The following PCDHGB5 variants were observed in gnomAD, a reference collection of about 807,000 sequenced individuals.
The protein encoded by PCDHGB5 is protocadherin gamma-B5.
A neutral mutation model predicts 62.9 loss-of-function variants in PCDHGB5; 48 were observed. The ratio of observed to expected loss-of-function variants is 0.76; its 90% CI spans 0.61 to 0.97. The LOEUF is 0.97. PCDHGB5 is among the 50% of genes least tolerant of loss of function. The pLI is 0.00. For synonymous variants in PCDHGB5, 474 were observed against 511.2 expected (o/e 0.93, Z 0.98); for missense variants, 1,118 against 1,198.6 (o/e 0.93, Z 0.99).
In PCDHGB5 at chr5:141,489,662, G is replaced by C; in HGVS notation, c.2398-5145G>C. 8.1e-6 allele frequency: 13 copies of C among 1,614,144 alleles called. No individual in the cohort carries two copies. The highest frequency in any genetic ancestry group is 1.1e-5 in the Non-Finnish European group (13 of 1,180,010). On this transcript the variant is annotated intron_variant, in intron 1 of 3. Coordinates refer to ENST00000617380, the MANE Select transcript of PCDHGB5 (RefSeq NM_018925.3). This position sits in a 1 kb window ranked among gnomAD's most constrained non-coding sequence, Gnocchi z 4.5. The stretch of plus-strand genomic sequence containing the variant: ...TTTGCCACCCCTGAGCGAGAGATGC[G>C]CATCTCAGAATCAGCAGCATCTGGG...
At chr5:141,463,460 T>TA (rs1554144871) in intron 1 of PCDHGB5, among the ~76,000 whole-genome samples, 2 of 136,122 alleles carry the variant, frequency 1.5e-5, no homozygotes, top group Non-Finnish European at 3.1e-5. Context: ...TTTTTTTTTT[T>TA]TTTTTTGAGA....
At chr5:141,466,709 T>C (rs2099127779) in intron 1 of PCDHGB5, among the ~76,000 whole-genome samples, 1 of 152,212 alleles carries the variant, frequency 6.6e-6, no homozygotes, top group Non-Finnish European at 1.5e-5. Flanking sequence ...TGATGTCTGT[T>C]CTTGTTTCCA....
At chr5:141,494,682 C>G (rs1282135022) in intron 1 of PCDHGB5, 125 bp from the exon 2 acceptor site, 16 of 1,564,362 alleles carry the variant, frequency 1.0e-5, no homozygotes, top group African/African-American at 1.4e-5. Context: ...ACCCCTGCCC[C>G]CTCTTAGTCC....
chr5:141,464,306 A>G (rs1438401635), intron 1 of PCDHGB5, among the ~76,000 whole-genome samples: 3 of 150,952 alleles, frequency 2.0e-5, no homozygotes. Context: ...TTGTATGTGC[A>G]CATATCATTA....
chr5:141,418,637 T>A, intron 1 of PCDHGB5: 1 of 1,613,998 alleles, frequency 6.2e-7, no homozygotes. Context: ...TCCAGGCACC[T>A]CCATCCTGAG....
Position 141,399,560 on chromosome 5 carries a change from G to A in PCDHGB5, c.1433G>A (p.Gly478Glu), listed in dbSNP as rs1354621756. The A allele has an allele frequency of 6.8e-6, 11 of 1,613,906 alleles. No homozygotes were observed. The Admixed American group carries it at 1.3e-4, about 20-fold the overall frequency. ...GTCTGCGCCTCGGACCTGGACTTGG[G>A]GTTGAACGGCCAAGTCTCCTACTCT... is the stretch of plus-strand genomic sequence containing the variant. Reference protein sequence around the residue: ...AQVCASDLDLGLNGQVSYSIM... With the variant: ...AQVCASDLDLELNGQVSYSIM... Residue 478 changes from glycine (G) to glutamate (E), a missense_variant, in exon 1 of 4, where the codon GGG (glycine) becomes GAG (glutamate). Coordinates refer to ENST00000617380, the MANE Select transcript of PCDHGB5 (RefSeq NM_018925.3).
rs544860780 is a variant in PCDHGB5 at position 141,406,543 on chromosome 5, C to G, written c.2397+6019C>G. On this transcript the variant is annotated intron_variant, in intron 1 of 3. Transcript: ENST00000617380. ...AGATATTTTCTGACGAAGATTCAAA[C>G]TTCAGTTATCCACTTCCAAACCCTA... is the stretch of plus-strand genomic sequence containing the variant. Among the ~76,000 whole-genome samples, 16 of 152,288 alleles carry G rather than the reference C, an allele frequency of 1.1e-4. 1 individual carries two copies. The South Asian group carries it at 2.9e-3, about 28-fold the overall frequency.
intron 1 of PCDHGB5, chr5:141,420,313 C>T (rs751944742): frequency 1.6e-5 from 23 of 1,434,756 alleles, no homozygotes; most frequent in Non-Finnish European, 2.2e-5. Flanking sequence ...TTTTATATTA[C>T]AATATGCCAA....
At chr5:141,404,560 C>T (rs2094540099) in intron 1 of PCDHGB5, 37 of 1,613,460 alleles carry the variant, frequency 2.3e-5, no homozygotes, top group Non-Finnish European at 3.1e-5. Flanking sequence ...CGGCAAGTGA[C>T]AGTGGAAGCC....
At position 141,486,646 on chromosome 5, in the gene PCDHGB5, C is replaced by T; in HGVS notation, c.2398-8161C>T. On this transcript the variant is annotated intron_variant, in intron 1 of 3. Transcript: ENST00000617380. The surrounding 1 kb of genome is among the most constrained non-coding windows in gnomAD (Gnocchi z 5.0). ...ACTCTGGCTTGAATGCGCTTATCTC[C>T]TACTCACTCCTGGAGCCCAGGAATC... is the stretch of plus-strand genomic sequence containing the variant. 4.3e-6 allele frequency: 7 copies of T among 1,613,916 alleles called. No individual in the cohort carries two copies. Among genetic ancestry groups the T allele is most frequent in the African/African-American group, 1.3e-5 (1 of 75,058 alleles).
At chr5:141,444,119 T>G (rs1236466434) in intron 1 of PCDHGB5, among the ~76,000 whole-genome samples, 4 of 146,736 alleles carry the variant, frequency 2.7e-5, no homozygotes, top group African/African-American at 1.0e-4. Context: ...AAGTGAAGTA[T>G]CTCAACAGAT....
chr5:141,461,830 CT>C (rs1030113508), intron 1 of PCDHGB5, among the ~76,000 whole-genome samples: 30 of 145,198 alleles, frequency 2.1e-4, no homozygotes, highest in Non-Finnish European at 2.4e-4. Flanking sequence ...ATTTTTTTTT[CT>C]TTTTTTTTTG....
chr5:141,501,836 T>G (rs2099811283), intron 2 of PCDHGB5, among the ~76,000 whole-genome samples: 1 of 152,136 alleles, frequency 6.6e-6, no homozygotes, highest in Non-Finnish European at 1.5e-5. Context: ...CCCACCTGTT[T>G]GGCCCTCAAC....
chr5:141,501,852 A>G (rs922276780), intron 2 of PCDHGB5, among the ~76,000 whole-genome samples: 2 of 151,924 alleles, frequency 1.3e-5, no homozygotes, highest in African/African-American at 4.8e-5. Context: ...TCAACCTTCA[A>G]CCATTTCCCA....
At chr5:141,463,402 T>C (rs1214124103) in intron 1 of PCDHGB5, among the ~76,000 whole-genome samples, 1 of 149,978 alleles carries the variant, frequency 6.7e-6, no homozygotes, top group African/African-American at 2.5e-5. Context: ...GCAAAAAAAA[T>C]GGAGATCCTA....
rs950537869 is a variant in PCDHGB5, at chr5:141,432,150, A to G, written c.2397+31626A>G. 6.2e-7 allele frequency: 1 copy of G among 1,614,010 alleles called. No homozygotes were observed. On this transcript the variant is annotated intron_variant, in intron 1 of 3. Coordinates refer to ENST00000617380, the MANE Select transcript of PCDHGB5 (RefSeq NM_018925.3). The surrounding 1 kb of genome is among the most constrained non-coding windows in gnomAD (Gnocchi z 6.0). ...TCCTATTCCGCTTATATCCCAGAGA[A>G]CAATCCCAGAGGAGTTTCCCTCGTC...
intron 3 of PCDHGB5, among the ~76,000 whole-genome samples, chr5:141,510,166 A>G (rs1280391099): frequency 6.6e-6 from 1 of 151,872 alleles, no homozygotes; most frequent in African/African-American, 2.4e-5. Flanking sequence ...TCAGCTACTC[A>G]GGAGGTTGAG....
chr5:141,459,529 G>A (rs1201996126), intron 1 of PCDHGB5, among the ~76,000 whole-genome samples: 2 of 152,134 alleles, frequency 1.3e-5, no homozygotes, highest in African/African-American at 2.4e-5. Context: ...ATTTTTGTAG[G>A]CATATTTTTT....
At chr5:141,483,291 A>T (rs767446911) in intron 1 of PCDHGB5, among the ~76,000 whole-genome samples, 4 of 152,126 alleles carry the variant, frequency 2.6e-5, no homozygotes, top group African/African-American at 4.8e-5. Flanking sequence ...TGTCAGTCAT[A>T]AGTGAAGGGA....
Sources: allele counts gnomAD v4.1 joint callset (sites outside exome capture counted in the v4.1 genomes callset), GRCh38; gene constraint gnomAD v4.1.1; non-coding constraint Gnocchi (gnomAD v3.1); transcripts MANE v1.5; gene names NCBI Gene and HGNC (gene_info 2026-07-23, HGNC 2026-07-21).